The following HNRNPA3 variants were observed in gnomAD, a reference collection of about 807,000 sequenced individuals.
HNRNPA3 encodes the protein heterogeneous nuclear ribonucleoprotein A3.
A neutral mutation model predicts 45.8 loss-of-function variants in HNRNPA3; 3 were observed. That is an observed-to-expected ratio of 0.07 (90% CI 0.03 to 0.17). The LOEUF is 0.17. Ranked by LOEUF, HNRNPA3 falls within the 10% of genes least tolerant of loss-of-function variation. The probability of loss-of-function intolerance (pLI) is 1.00; values close to 1 mark genes in which losing one functional copy is unlikely to be tolerated. For missense variants in HNRNPA3, 183 were observed against 480.3 expected (o/e 0.38, Z 5.79); for synonymous variants, 170 against 155.6 (o/e 1.09, Z -0.69).
chr2:177,219,157 G>T, exon 9 of HNRNPA3: 1 of 1,613,674 alleles, frequency 6.2e-7, no homozygotes, highest in Non-Finnish European at 8.5e-7. Flanking sequence ...AGTCCCTATG[G>T]TGGTAAGTAC....
At chr2:177,216,619 A>G in intron 5 of HNRNPA3, 27 bp downstream of exon 5, 1 of 1,610,324 alleles carries the variant, frequency 6.2e-7, no homozygotes, top group Non-Finnish European at 8.5e-7. Flanking sequence ...ACATGTATAC[A>G]GTGGATATGA....
chr2:177,217,614 A>C, intron 7 of HNRNPA3, 91 bp from the exon 8 acceptor site: 4 of 1,513,842 alleles, frequency 2.6e-6, no homozygotes, highest in Non-Finnish European at 2.7e-6. Flanking sequence ...GCAACAGAGC[A>C]AGACCCAGTC....
intron 1 of HNRNPA3, among the ~76,000 whole-genome samples, chr2:177,214,044 C>G (rs951128790): frequency 9.2e-5 from 14 of 152,160 alleles, no homozygotes; most frequent in Non-Finnish European, 1.9e-4. Context: ...CTAGGAGACA[C>G]AGGAAGACAT....
At chr2:177,218,590 ATAATATGTCACAGGTAGTTGAAGC>A in intron 8 of HNRNPA3, among the ~76,000 whole-genome samples, 1 of 152,316 alleles carries the variant, frequency 6.6e-6, no homozygotes, top group Middle Eastern at 3.4e-3. Context: ...GGGTCTTAAT[ATAATATGTCACAGGTAGTTGAAGC>A]GTTTAAGCAA....
At chr2:177,219,381 A>G in intron 10 of HNRNPA3, 27 bp from the exon 11 acceptor site, 1 of 1,223,794 alleles carries the variant, frequency 8.2e-7, no homozygotes, top group Non-Finnish European at 1.2e-6. Flanking sequence ...GAGTGTAATA[A>G]TTTTTTTATC....
rs563591470 is a variant in HNRNPA3 at position 177,214,475 on chromosome 2, T to TA, written c.73-1063dup. Among the ~76,000 whole-genome samples the TA allele has an allele frequency of 5.0e-3, 767 of 152,352 alleles. 4 individuals carry two copies. Among genetic ancestry groups the TA allele is most frequent in the African/African-American group, 0.018 (730 of 41,574 alleles). On this transcript the variant is annotated intron_variant, in intron 1 of 10. Transcript: ENST00000392524. ...CTGTAAGTTTGACATTCAGAACTTT[T>TA]AGATTGTTCTTCATCACAGTTTTGA...
In HNRNPA3 at chr2:177,215,245, C is replaced by T. The variant is rs1204676640; in HGVS notation, c.73-294C>T. ...GAGTAGCTGGGATTACAGACGCCCG[C>T]CACCACGCCCAGCTAATTTTTGTGT... On this transcript the variant is annotated intron_variant, in intron 1 of 10. Transcript: ENST00000392524. 2.0e-5 allele frequency among the ~76,000 whole-genome samples: 3 copies of T among 152,220 alleles called. No individual in the cohort carries two copies. The East Asian group carries it at 5.8e-4, about 29-fold the overall frequency.
chr2:177,213,657 G>A (rs899677730), intron 1 of HNRNPA3, among the ~76,000 whole-genome samples: 2 of 152,034 alleles, frequency 1.3e-5, no homozygotes, highest in Non-Finnish European at 1.5e-5. Context: ...GAGTGTAGAT[G>A]TGAAAAACAA....
At chr2:177,220,225 T>C (rs1689130508), downstream of HNRNPA3, 2 of 152,676 alleles carry the variant, frequency 1.3e-5, no homozygotes, top group Admixed American at 1.3e-4. Context: ...AACATCTCTA[T>C]TCTACATTTA....
downstream of HNRNPA3, chr2:177,222,735 G>A (rs1160081853): frequency 2.3e-4 from 35 of 152,564 alleles, no homozygotes; most frequent in Admixed American, 1.6e-3. Context: ...AGGCTGCAGT[G>A]AGCTGACTGC....
Position 177,216,838 on chromosome 2 carries a change from TTC to T in HNRNPA3, c.740-21_740-20del. 6.2e-7 allele frequency: 1 copy of T among 1,612,644 alleles called. No individual in the cohort carries two copies. ...TGGTAAGTTGAATATATTATTTTAA[TTC>T]ATTTCTTGTTTTTCCTCAGGAGGCT... On this transcript the variant is annotated intron_variant, in intron 6 of 10. Coordinates refer to ENST00000392524, the Ensembl canonical transcript of HNRNPA3.
exon 8 of HNRNPA3, chr2:177,217,715 T>C (rs375714081): frequency 4.2e-5 from 68 of 1,612,686 alleles, no homozygotes; most frequent in Non-Finnish European, 4.9e-5. Context: ...GTGGCAACTA[T>C]GGCGGTGGTC....
At chr2:177,219,209 T>C (rs1209925837) in intron 9 of HNRNPA3, 38 bp from the exon 10 acceptor site, 2 of 1,610,714 alleles carry the variant, frequency 1.2e-6, no homozygotes, top group Non-Finnish European at 8.5e-7. Flanking sequence ...ATTTAAAAAA[T>C]GTGCATACTT....
At chr2:177,214,052 C>T (rs982940758) in intron 1 of HNRNPA3, among the ~76,000 whole-genome samples, 1 of 152,166 alleles carries the variant, frequency 6.6e-6, no homozygotes, top group African/African-American at 2.4e-5. Context: ...CACAGGAAGA[C>T]ATTAGAATGT....
chr2:177,212,909 C>T, intron 1 of HNRNPA3, 38 bp downstream of exon 1: 4 of 1,298,418 alleles, frequency 3.1e-6, no homozygotes, highest in Non-Finnish European at 4.1e-6. Flanking sequence ...GGGGAATGGC[C>T]GGCGTTGGGG....
At chr2:177,219,131 T>G in exon 9 of HNRNPA3, 1 of 1,614,164 alleles carries the variant, frequency 6.2e-7, no homozygotes, top group Non-Finnish European at 8.5e-7. Context: ...GCAGTTTTGG[T>G]GGAAGAAGCT....
At chr2:177,216,284 A>G (rs1198856138) in intron 4 of HNRNPA3, 96 bp downstream of exon 4, 2 of 847,326 alleles carry the variant, frequency 2.4e-6, no homozygotes, top group African/African-American at 1.7e-5. Flanking sequence ...GTTGCGTGTA[A>G]TGGCATTTAT....
intron 1 of HNRNPA3, among the ~76,000 whole-genome samples, chr2:177,214,743 C>G (rs1303581106): frequency 3.9e-5 from 6 of 152,120 alleles, no homozygotes; most frequent in Non-Finnish European, 8.8e-5. Context: ...TGCAGTGAGC[C>G]GAGATCGCGC....
At chr2:177,213,220 G>A (rs1197670049) in intron 1 of HNRNPA3, among the ~76,000 whole-genome samples, 1 of 152,220 alleles carries the variant, frequency 6.6e-6, no homozygotes, top group Non-Finnish European at 1.5e-5. Flanking sequence ...GGGAGGGGAC[G>A]AGCAGGCACA....
Sources: gnomAD v4.1 joint callset for allele counts (sites outside exome capture counted in the v4.1 genomes callset) on GRCh38, gnomAD v4.1.1 for gene constraint, MANE v1.5 for transcripts, NCBI Gene and HGNC (gene_info 2026-07-23, HGNC 2026-07-21) for gene names.